Variants in CPA6 observed in about 807,000 individuals in gnomAD.
CPA6 encodes carboxypeptidase A6.
A neutral mutation model predicts 63.3 loss-of-function variants in CPA6; 58 were observed. The observed-to-expected ratio is 0.92, with a 90% CI of 0.74 to 1.14. The LOEUF is 1.14. CPA6 is among the 50% of genes most tolerant of loss of function. The pLI is 0.00. For missense variants in CPA6, 565 were observed against 526.6 expected (o/e 1.07, Z -0.71); for synonymous variants, 185 against 179.0 (o/e 1.03, Z -0.27).
chr8:67,661,794 A>G (rs1281056189), intron 1 of CPA6, among the ~76,000 whole-genome samples: 1 of 152,184 alleles, frequency 6.6e-6, no homozygotes, highest in Non-Finnish European at 1.5e-5. Flanking sequence ...CCTGGCAACC[A>G]CTATTCTACT....
intron 1 of CPA6, among the ~76,000 whole-genome samples, chr8:67,649,186 A>G (rs1043394095): frequency 6.6e-6 from 1 of 152,158 alleles, no homozygotes; most frequent in Non-Finnish European, 1.5e-5. Flanking sequence ...CTGCTTAAAA[A>G]TCCTTGGCAT....
intron 2 of CPA6, among the ~76,000 whole-genome samples, chr8:67,588,903 G>A (rs1814023359): frequency 6.6e-6 from 1 of 152,122 alleles, no homozygotes; most frequent in Admixed American, 6.6e-5. Context: ...ACTCACTTGA[G>A]TCCAGGGGTT....
intron 1 of CPA6, among the ~76,000 whole-genome samples, chr8:67,714,960 C>T (rs987057382): frequency 6.6e-6 from 1 of 152,208 alleles, no homozygotes; most frequent in African/African-American, 2.4e-5. Flanking sequence ...AAGGAGCTAT[C>T]ATAGGCTTCC....
Position 67,422,362 on chromosome 8 carries a change from G to T in CPA6, c.*142C>A. 1.7e-6 allele frequency: 1 copy of T among 600,208 alleles called. No homozygotes were observed. Among genetic ancestry groups the T allele is most frequent in the African/African-American group, 1.8e-5 (1 of 55,104 alleles). The allele number at this position is 600,208 out of a possible 1,614,324, so 37.2% of individuals were successfully genotyped here. A position where few individuals can be genotyped will look rare whatever the true frequency, so the allele number is the denominator to read the frequency against. ...TTTTACTGTTTTCTATTGCCACAAA[G>T]TCAAATTGCGTGGGGTCTTTTTAAA... On this transcript the variant is annotated 3_prime_UTR_variant, in exon 11 of 11. Transcript: ENST00000297770.
chr8:67,569,665 C>T (rs1813433958), intron 2 of CPA6: 3 of 335,826 alleles, frequency 8.9e-6, no homozygotes, highest in South Asian at 2.7e-5. Context: ...TATATCCAAA[C>T]TGTGTTTTAA....
chr8:67,503,776 T>C (rs2128964213), intron 6 of CPA6, among the ~76,000 whole-genome samples: 1 of 152,324 alleles, frequency 6.6e-6, no homozygotes, highest in East Asian at 1.9e-4. Flanking sequence ...GGGATACATG[T>C]CCTGAATGTG....
chr8:67,720,683 T>G (rs1462354867), intron 1 of CPA6, among the ~76,000 whole-genome samples: 2 of 152,216 alleles, frequency 1.3e-5, no homozygotes, highest in Non-Finnish European at 2.9e-5. Flanking sequence ...AGTAAAGAGC[T>G]GTCAAAACGG....
At chr8:67,583,218 G>T (rs1813823373) in intron 2 of CPA6, among the ~76,000 whole-genome samples, 1 of 152,112 alleles carries the variant, frequency 6.6e-6, no homozygotes, top group Non-Finnish European at 1.5e-5. Flanking sequence ...AACTATGGGT[G>T]TTGGTTAGTG....
chr8:67,478,709 C>A (rs1241106867), intron 8 of CPA6, among the ~76,000 whole-genome samples: 1 of 152,200 alleles, frequency 6.6e-6, no homozygotes, highest in African/African-American at 2.4e-5. Flanking sequence ...GAGGGCAGAT[C>A]CAATTCCACA....
At chr8:67,529,191 C>T (rs1428542135) in intron 2 of CPA6, among the ~76,000 whole-genome samples, 1 of 151,976 alleles carries the variant, frequency 6.6e-6, no homozygotes, top group East Asian at 1.9e-4. Context: ...AAGGAGAATG[C>T]CATCTTGCTT....
intron 1 of CPA6, among the ~76,000 whole-genome samples, chr8:67,736,245 A>G (rs556378200): frequency 5.3e-5 from 8 of 152,102 alleles, no homozygotes; most frequent in African/African-American, 1.9e-4. Flanking sequence ...TATCTTTCCT[A>G]TCTTAAGGAG....
intron 8 of CPA6, among the ~76,000 whole-genome samples, chr8:67,455,542 A>G (rs1047949763): frequency 2.6e-5 from 4 of 151,768 alleles, no homozygotes; most frequent in Non-Finnish European, 5.9e-5. Context: ...TTCATCATCA[A>G]TAGGGTGTGT....
intron 1 of CPA6, among the ~76,000 whole-genome samples, chr8:67,724,732 T>G (rs1325108991): frequency 2.6e-5 from 4 of 152,268 alleles, no homozygotes; most frequent in African/African-American, 9.6e-5. Flanking sequence ...AACCACACAA[T>G]TAAAAATAAT....
chr8:67,609,424 G>A (rs1034151318), intron 2 of CPA6, among the ~76,000 whole-genome samples: 3 of 152,120 alleles, frequency 2.0e-5, no homozygotes, highest in African/African-American at 7.2e-5. Context: ...TTATGGTTGT[G>A]TGATATAGAT....
At chr8:67,502,756 G>A (rs1373048779) in intron 6 of CPA6, among the ~76,000 whole-genome samples, 1 of 152,158 alleles carries the variant, frequency 6.6e-6, no homozygotes, top group Non-Finnish European at 1.5e-5. Flanking sequence ...ATTTAGAAAT[G>A]TGTTTAATTT....
chr8:67,681,256 G>A (rs1247241384), intron 1 of CPA6, among the ~76,000 whole-genome samples: 1 of 117,796 alleles, frequency 8.5e-6, no homozygotes, highest in Non-Finnish European at 1.6e-5. Flanking sequence ...AGGCCGGACT[G>A]CGGACTGCAG....
intron 1 of CPA6, among the ~76,000 whole-genome samples, chr8:67,654,238 A>G (rs1282983128): frequency 2.6e-5 from 4 of 152,194 alleles, no homozygotes. Context: ...CTTTGGTATC[A>G]CAAGATGATG....
chr8:67,430,035 G>A (rs2128951631), intron 9 of CPA6, among the ~76,000 whole-genome samples: 1 of 152,070 alleles, frequency 6.6e-6, no homozygotes, highest in East Asian at 1.9e-4. Context: ...ACTGATTTCA[G>A]TGATCCCTCT....
intron 4 of CPA6, among the ~76,000 whole-genome samples, chr8:67,510,338 A>G (rs2128965470): frequency 6.6e-6 from 1 of 152,188 alleles, no homozygotes; most frequent in South Asian, 2.1e-4. Flanking sequence ...AAAATAGCTA[A>G]ATATATTCAG....
Sources: gnomAD v4.1 joint callset for allele counts (sites outside exome capture counted in the v4.1 genomes callset) on GRCh38, gnomAD v4.1.1 for gene constraint, MANE v1.5 for transcripts, NCBI Gene and HGNC (gene_info 2026-07-23, HGNC 2026-07-21) for gene names.